PTPRM: variants seen among roughly 807,000 people sequenced by gnomAD.
PTPRM encodes the protein protein tyrosine phosphatase receptor type M, also known as receptor-type tyrosine-protein phosphatase mu.
Under a neutral mutation model 186.7 loss-of-function variants are expected in PTPRM, and 47 were observed. The observed-to-expected ratio is 0.25, with a 90% CI of 0.20 to 0.32. The LOEUF is 0.32. Among genes scored for constraint, PTPRM ranks in the 10% least tolerant of loss-of-function variants. The pLI is 1.00. For synonymous variants in PTPRM, 668 were observed against 674.9 expected (o/e 0.99, Z 0.16); for missense variants, 1,494 against 1,865.0 (o/e 0.80, Z 3.66).
At chr18:8,402,596 G>T (rs141127515) in intron 32 of PTPRM, among the ~76,000 whole-genome samples, 209 of 152,312 alleles carry the variant, frequency 1.4e-3, no homozygotes, top group African/African-American at 4.8e-3. Flanking sequence ...AGTAAGGGAT[G>T]GGACCGTGTA....
intron 20 of PTPRM, among the ~76,000 whole-genome samples, chr18:8,300,017 C>T (rs995715506): frequency 3.9e-5 from 6 of 152,116 alleles, no homozygotes; most frequent in Admixed American, 1.3e-4. Flanking sequence ...ACAGAGGTAT[C>T]AGATGTGATT....
chr18:8,323,709 GT>G (rs1484979781), intron 22 of PTPRM, among the ~76,000 whole-genome samples: 1 of 152,048 alleles, frequency 6.6e-6, no homozygotes, highest in East Asian at 1.9e-4. Flanking sequence ...ACCCTGTAGA[GT>G]CCAGGACTAG....
chr18:7,846,605 G>T (rs1177226370), intron 2 of PTPRM, among the ~76,000 whole-genome samples: 1 of 152,188 alleles, frequency 6.6e-6, no homozygotes, highest in African/African-American at 2.4e-5. Context: ...ATTGTTATTG[G>T]TTTGTGTTCC....
chr18:8,256,233 A>G (rs2094573550), intron 19 of PTPRM, among the ~76,000 whole-genome samples: 1 of 152,076 alleles, frequency 6.6e-6, no homozygotes, highest in Non-Finnish European at 1.5e-5. Flanking sequence ...ATCCCACCCA[A>G]CAGATACTGA....
chr18:7,751,903 GT>G (rs1208252779), intron 1 of PTPRM, among the ~76,000 whole-genome samples: 1 of 152,144 alleles, frequency 6.6e-6, no homozygotes, highest in African/African-American at 2.4e-5. Context: ...TTCTTTTACA[GT>G]TAGTAAATAA....
At chr18:7,635,529 T>C (rs905053930) in intron 1 of PTPRM, among the ~76,000 whole-genome samples, 9 of 152,242 alleles carry the variant, frequency 5.9e-5, no homozygotes, top group Non-Finnish European at 1.5e-5. Flanking sequence ...ATTATTGCCT[T>C]GTATTATTTT....
chr18:7,773,961 G>A (rs1368679339), intron 1 of PTPRM, among the ~76,000 whole-genome samples, 188 bp from the exon 2 acceptor site: 1 of 152,086 alleles, frequency 6.6e-6, no homozygotes, highest in African/African-American at 2.4e-5. Context: ...GTGAGGCATG[G>A]TTAATACTCA....
At chr18:8,387,297 C>T (rs1266473644) in intron 31 of PTPRM, 62 bp downstream of exon 31, 16 of 1,484,882 alleles carry the variant, frequency 1.1e-5, no homozygotes, top group Non-Finnish European at 1.5e-5. Flanking sequence ...CTCTCACCTC[C>T]TAGTTCTCTG....
At chr18:7,881,453 G>A (rs984843801) in intron 2 of PTPRM, among the ~76,000 whole-genome samples, 1 of 152,176 alleles carries the variant, frequency 6.6e-6, no homozygotes, top group Non-Finnish European at 1.5e-5. Context: ...GGCAGCGGGG[G>A]AAGTACAACC....
At chr18:8,194,776 T>C (rs963753667) in intron 14 of PTPRM, among the ~76,000 whole-genome samples, 3 of 152,256 alleles carry the variant, frequency 2.0e-5, no homozygotes, top group African/African-American at 7.2e-5. Flanking sequence ...TTTTTCTTGC[T>C]TTTGAAATAC....
intron 14 of PTPRM, among the ~76,000 whole-genome samples, chr18:8,218,841 T>C (rs1005806406): frequency 6.6e-6 from 1 of 152,208 alleles, no homozygotes; most frequent in African/African-American, 2.4e-5. Context: ...GAATTTAGGT[T>C]CTTTGGCTAC....
chr18:7,996,891 A>G (rs147484992), intron 7 of PTPRM, among the ~76,000 whole-genome samples: 7 of 152,202 alleles, frequency 4.6e-5, no homozygotes, highest in South Asian at 2.1e-4. Context: ...AATTGAAAAC[A>G]CCAAAAATGA....
intron 14 of PTPRM, among the ~76,000 whole-genome samples, chr18:8,163,041 G>A (rs562465913): frequency 2.0e-5 from 3 of 152,190 alleles, no homozygotes; most frequent in East Asian, 1.9e-4. Context: ...GTGTCCACAC[G>A]CCCCACGACA....
At chr18:7,990,590 A>G (rs8089387) in intron 7 of PTPRM, among the ~76,000 whole-genome samples, 97,470 of 151,932 alleles carry the variant, frequency 0.64, 31,601 homozygotes, top group African/African-American at 0.73. Flanking sequence ...TTTATGATTC[A>G]GGAGTTCTTC....
chr18:8,344,159 CT>C (rs1568791532), intron 23 of PTPRM, among the ~76,000 whole-genome samples: 1 of 152,000 alleles, frequency 6.6e-6, no homozygotes, highest in African/African-American at 2.4e-5. Flanking sequence ...GTGCAGTTGC[CT>C]TTTTTACAGT....
chr18:8,266,258 C>G (rs1444961879), intron 19 of PTPRM, among the ~76,000 whole-genome samples: 2 of 151,558 alleles, frequency 1.3e-5, no homozygotes, highest in Non-Finnish European at 2.9e-5. Context: ...GTCTCTAATC[C>G]CTACTCACCC....
intron 1 of PTPRM, among the ~76,000 whole-genome samples, chr18:7,720,747 T>C (rs914991501): frequency 6.6e-6 from 1 of 152,186 alleles, no homozygotes; most frequent in African/African-American, 2.4e-5. Context: ...TTTTTGTGAC[T>C]GGCTTATTTC....
intron 1 of PTPRM, among the ~76,000 whole-genome samples, chr18:7,594,406 G>T (rs2037201729): frequency 6.6e-6 from 1 of 152,044 alleles, no homozygotes; most frequent in South Asian, 2.1e-4. Flanking sequence ...CTTGAGCCCT[G>T]GAGGCAGAGG....
intron 2 of PTPRM, among the ~76,000 whole-genome samples, chr18:7,862,241 CTAA>C (rs2047426298): frequency 6.6e-6 from 1 of 152,054 alleles, no homozygotes; most frequent in African/African-American, 2.4e-5. Context: ...TATCAGTGCC[CTAA>C]TAATGATATC....
Sources: gnomAD v4.1 joint callset for allele counts (sites outside exome capture counted in the v4.1 genomes callset) on GRCh38, gnomAD v4.1.1 for gene constraint, MANE v1.5 for transcripts, NCBI Gene and HGNC (gene_info 2026-07-23, HGNC 2026-07-21) for gene names.